Variants in CTNNA1 observed in about 807,000 individuals in gnomAD.
The protein encoded by CTNNA1 is catenin alpha 1, also known as catenin alpha-1.
A neutral mutation model predicts 98.4 loss-of-function variants in CTNNA1; 37 were observed. The observed-to-expected ratio is 0.38, with a 90% CI of 0.29 to 0.49. The LOEUF (loss-of-function observed/expected upper bound fraction) is 0.49, where lower values mean the gene tolerates loss of function less well. Among genes scored for constraint, CTNNA1 ranks in the 20% least tolerant of loss-of-function variants. The probability of loss-of-function intolerance (pLI) is 0.95; values close to 1 mark genes in which losing one functional copy is unlikely to be tolerated. For missense variants in CTNNA1, 761 were observed against 1,147.2 expected, an observed-to-expected ratio of 0.66 and a Z score of 4.86; for synonymous variants, 404 against 413.2, an observed-to-expected ratio of 0.98 and a Z score of 0.27.
intron 5 of CTNNA1, among the ~76,000 whole-genome samples, chr5:138,813,341 G>A (rs187386644): frequency 3.3e-3 from 501 of 152,312 alleles, no homozygotes; most frequent in African/African-American, 0.012. Context: ...CAATCTAGAA[G>A]CTCCTAGTAG....
At position 138,782,155 on chromosome 5, in the gene CTNNA1, C is replaced by G. The variant is rs866132813; in HGVS notation, c.105+126C>G. 4.4e-5 allele frequency: 40 copies of G among 903,018 alleles called. No individual in the cohort carries two copies. The Middle Eastern group carries it at 8.5e-4, about 19-fold the overall frequency. The allele number at this position is 903,018 out of a possible 1,614,324, so 55.9% of individuals were successfully genotyped here. On this transcript the variant is annotated intron_variant, in intron 2 of 17. Coordinates refer to ENST00000302763, the MANE Select transcript of CTNNA1 (RefSeq NM_001903.5). ...CAGTACTTGAGTTTAGGTGACAGTT[C>G]TTAGATGATTTGAATATTGATGCAT...
chr5:138,874,644 C>A lies in CTNNA1; in HGVS notation c.1063-11568C>A. 1 of 844,882 alleles carries A rather than the reference C, an allele frequency of 1.2e-6. No individual in the cohort carries two copies. Among genetic ancestry groups the A allele is most frequent in the South Asian group, 1.9e-5 (1 of 53,626 alleles). The allele number at this position is 844,882 out of a possible 1,614,324, so 52.3% of individuals were successfully genotyped here. ...ATTTAAAAAAAACAACCACCACCAA[C>A]ATTATAGCAAAAGATTTCACTGCAT... On this transcript the variant is annotated intron_variant, in intron 7 of 17. Coordinates refer to ENST00000302763, the MANE Select transcript of CTNNA1 (RefSeq NM_001903.5). The surrounding 1 kb of genome is among the most constrained non-coding windows in gnomAD (Gnocchi z 4.1).
At chr5:138,767,181 G>A (rs1046563917) in intron 1 of CTNNA1, among the ~76,000 whole-genome samples, 5 of 152,004 alleles carry the variant, frequency 3.3e-5, no homozygotes, top group Admixed American at 6.6e-5. Context: ...GACTACAGGC[G>A]CCCGCCATCA....
chr5:138,932,511 C>T, intron 16 of CTNNA1, 67 bp from the exon 17 acceptor site: 2 of 1,582,286 alleles, frequency 1.3e-6, no homozygotes, highest in South Asian at 2.3e-5. Context: ...CTTTCAGAAA[C>T]AGCCGTGGGG....
At chr5:138,864,331 A>G (rs182594563) in intron 7 of CTNNA1, among the ~76,000 whole-genome samples, 1 of 152,310 alleles carries the variant, frequency 6.6e-6, no homozygotes, top group East Asian at 1.9e-4. Flanking sequence ...TTATAGAAGC[A>G]ATTGGGAAAG....
rs190120727 is a variant in CTNNA1 at position 138,892,941 on chromosome 5, G to C, written c.1296+5299G>C. 5.9e-4 allele frequency among the ~76,000 whole-genome samples: 90 copies of C among 152,172 alleles called. 2 individuals carry two copies. The highest frequency in any genetic ancestry group is 1.9e-3 in the African/African-American group (81 of 41,556). ...TGAGGCAGGAGAATCACTTGAACCC[G>C]GGAGGCGGAGGTTGCAGTAAGCAGA... On this transcript the variant is annotated intron_variant, in intron 9 of 17. Coordinates refer to ENST00000302763, the MANE Select transcript of CTNNA1 (RefSeq NM_001903.5).
intron 5 of CTNNA1, among the ~76,000 whole-genome samples, chr5:138,818,872 G>T (rs772060726): frequency 1.3e-5 from 2 of 152,140 alleles, no homozygotes; most frequent in African/African-American, 2.4e-5. Flanking sequence ...CCCAGGCTCA[G>T]GGTTTTGTGA....
chr5:138,872,936 ATTAGATATGTATT>A (rs1406414978), intron 7 of CTNNA1: 1 of 1,074,502 alleles, frequency 9.3e-7, no homozygotes, highest in African/African-American at 1.6e-5. Flanking sequence ...ATTGGTAAAA[ATTAGATATGTATT>A]TAGCCTCTAC....
intron 7 of CTNNA1, among the ~76,000 whole-genome samples, chr5:138,859,876 C>T (rs908535971): frequency 6.6e-6 from 1 of 152,194 alleles, no homozygotes; most frequent in Non-Finnish European, 1.5e-5. Context: ...ACTCTGCATT[C>T]CAGTCTGGGC....
chr5:138,902,602 G>C (rs536379241), intron 9 of CTNNA1, among the ~76,000 whole-genome samples: 113 of 152,220 alleles, frequency 7.4e-4, no homozygotes, highest in African/African-American at 2.6e-3. Flanking sequence ...TTGTATTTTA[G>C]TAGAGACGGG....
At chr5:138,765,947 C>CAAAAAAAAA in intron 1 of CTNNA1, among the ~76,000 whole-genome samples, 1 of 48,506 alleles carries the variant, frequency 2.1e-5, no homozygotes, top group Non-Finnish European at 4.5e-5. Context: ...GACTCTGTCT[C>CAAAAAAAAA]AAAAAAAAAA....
In CTNNA1 at chr5:138,791,821, C is replaced by G. The variant is rs549296034; in HGVS notation, c.301+8449C>G. 2.9e-5 allele frequency among the ~76,000 whole-genome samples: 3 copies of G among 105,170 alleles called. No homozygotes were observed. The Admixed American group carries it at 3.4e-4, about 12-fold the overall frequency. The allele number at this position is 105,170 out of a possible 152,430, so 69.0% of individuals were successfully genotyped here. On this transcript the variant is annotated intron_variant, in intron 3 of 17. Coordinates refer to ENST00000302763, the MANE Select transcript of CTNNA1 (RefSeq NM_001903.5). ...TTTTTTTTTTTTAGAGAGGCAATTA[C>G]TGTTCATTGTAGCTGTTCTTGTTTT...
rs1345755897 is a variant in CTNNA1, at chr5:138,824,814, G to T, written c.858+15G>T. 6.2e-7 allele frequency: 1 copy of T among 1,605,640 alleles called. No homozygotes were observed. On this transcript the variant is annotated intron_variant, in intron 6 of 17. Transcript: ENST00000302763. Reference sequence around the variant, plus strand: ...ATAACTTTGACGTAAGTTATGCTTGGGTGGAAATTTCCAGCTCTTGACCAT... The same window carrying T: ...ATAACTTTGACGTAAGTTATGCTTGTGTGGAAATTTCCAGCTCTTGACCAT...
At chr5:138,933,064 A>G (rs1284878219) in intron 17 of CTNNA1, 9 of 712,924 alleles carry the variant, frequency 1.3e-5, no homozygotes, top group Non-Finnish European at 2.1e-5. Flanking sequence ...AGCCTGGGAG[A>G]TGGAGGTTGC....
At position 138,925,410 on chromosome 5, in the gene CTNNA1, G is replaced by A; in HGVS notation, c.1899+3G>A. 6.2e-7 allele frequency: 1 copy of A among 1,613,152 alleles called. No individual in the cohort carries two copies. The highest frequency in any genetic ancestry group is 8.5e-7 in the Non-Finnish European group (1 of 1,179,642). The stretch of plus-strand genomic sequence containing the variant: ...GGAAAGCAGTGCTGATGATAAGGGT[G>A]AGTAACTGCATTTCAGACGTCTTAA... On this transcript the variant is annotated splice_donor_region_variant and intron_variant, in intron 13 of 17. Transcript: ENST00000302763.
At chr5:138,813,037 T>G (rs1240847918) in intron 5 of CTNNA1, among the ~76,000 whole-genome samples, 1 of 152,254 alleles carries the variant, frequency 6.6e-6, no homozygotes, top group African/African-American at 2.4e-5. Context: ...TCAGTTAGGA[T>G]ACTTTGCACT....
At chr5:138,889,388 C>T (rs566420852) in intron 9 of CTNNA1, among the ~76,000 whole-genome samples, 1 of 152,280 alleles carries the variant, frequency 6.6e-6, no homozygotes, top group Admixed American at 6.5e-5. Flanking sequence ...CTTCCCACAA[C>T]ATTTCTCAGG....
intron 7 of CTNNA1, among the ~76,000 whole-genome samples, chr5:138,852,989 C>T (rs1358786306): frequency 6.6e-6 from 1 of 152,180 alleles, no homozygotes; most frequent in Non-Finnish European, 1.5e-5. Flanking sequence ...TGCAAGCCTT[C>T]TGGTTTACCT....
chr5:138,768,344 C>G (rs61357232), intron 1 of CTNNA1, among the ~76,000 whole-genome samples: 3 of 152,084 alleles, frequency 2.0e-5, no homozygotes, highest in African/African-American at 7.2e-5. Context: ...ACCTCGACCT[C>G]TGCCTCCCAG....
Sources: gnomAD v4.1 joint callset for allele counts (sites outside exome capture counted in the v4.1 genomes callset) on GRCh38, gnomAD v4.1.1 for gene constraint, Gnocchi (gnomAD v3.1) non-coding constraint, MANE v1.5 for transcripts, NCBI Gene and HGNC (gene_info 2026-07-23, HGNC 2026-07-21) for gene names.